Variants in GJA3 observed in about 807,000 individuals in gnomAD.
GJA3 encodes the protein gap junction protein alpha 3.
For synonymous variants in GJA3, 297 were observed against 292.6 expected, an observed-to-expected ratio of 1.02 and a Z score of -0.15; for missense variants, 571 against 620.3, an observed-to-expected ratio of 0.92 and a Z score of 0.84.
upstream of GJA3, among the ~76,000 whole-genome samples, chr13:20,161,383 G>T (rs1162487138): frequency 6.6e-6 from 1 of 151,960 alleles, no homozygotes; most frequent in Admixed American, 6.5e-5. Context: ...GGCCCGACCC[G>T]CTTGCGGGGC....
intron 1 of GJA3, among the ~76,000 whole-genome samples, chr13:20,147,563 C>T (rs187656052): frequency 7.2e-5 from 11 of 152,280 alleles, no homozygotes; most frequent in Admixed American, 6.5e-4. Context: ...CACTCTCTTA[C>T]GTGGACACAG....
chr13:20,144,863 G>A (rs1958832898), intron 1 of GJA3, among the ~76,000 whole-genome samples: 1 of 152,238 alleles, frequency 6.6e-6, no homozygotes, highest in Non-Finnish European at 1.5e-5. Context: ...TGGAACCAAA[G>A]AAAACACTTG....
At chr13:20,157,748 T>C (rs1302759994) in intron 1 of GJA3, among the ~76,000 whole-genome samples, 1 of 152,240 alleles carries the variant, frequency 6.6e-6, no homozygotes, top group African/African-American at 2.4e-5. Context: ...GGAGTACATG[T>C]TAAGCTTTCA....
chr13:20,141,879 C>G lies in GJA3; in HGVS notation c.*102G>C. The G allele has an allele frequency of 6.6e-7, 1 of 1,506,518 alleles. No homozygotes were observed. Among genetic ancestry groups the G allele is most frequent in the Middle Eastern group, 1.8e-4 (1 of 5,658 alleles). 93.3% of individuals were successfully genotyped at this position (1,506,518 alleles called of 1,614,324 possible). A position where few individuals can be genotyped will look rare whatever the true frequency, so the allele number is the denominator to read the frequency against. On this transcript the variant is annotated 3_prime_UTR_variant, in exon 2 of 2. Coordinates refer to ENST00000241125, the MANE Select transcript of GJA3 (RefSeq NM_021954.4). ...CCTGGGACTCCAGTCGCTCCCACCTCCTGGGACTTTCAGGTTCTATCTGCT... is the reference window on the plus strand; with the variant it reads ...CCTGGGACTCCAGTCGCTCCCACCTGCTGGGACTTTCAGGTTCTATCTGCT...
chr13:20,143,043 G>A lies in GJA3; in HGVS notation c.246C>T (p.Ile82=), dbSNP rs781267768. ...TGAGGGTGGGCGTGGACACGAAGAT[G>A]ATCTGCAGCGCCCAGAAGCGGATGT... The part of the protein sequence containing the change: ...ISHIRFWALQ[I]IFVSTPTLIY... The change falls in exon 2 of 2, where the codon ATC becomes ATT. Residue 82 remains isoleucine, a synonymous_variant. Coordinates refer to ENST00000241125, the MANE Select transcript of GJA3 (RefSeq NM_021954.4). The A allele has an allele frequency of 6.2e-7, 1 of 1,613,474 alleles. No homozygotes were observed. Among genetic ancestry groups the A allele is most frequent in the South Asian group, 1.1e-5 (1 of 90,922 alleles).
At position 20,142,623 on chromosome 13, in the gene GJA3, G is replaced by T; in HGVS notation, c.666C>A (p.Ile222=). The part of the protein sequence containing the change: ...CASLLLNMLE[I]YHLGWKKLKQ... ...TGAGCTTCTTCCAGCCCAGGTGGTA[G>T]ATCTCCAGCATGTTGAGCAGCAGGG... Residue 222 remains isoleucine, a synonymous_variant, in exon 2 of 2, where the codon ATC becomes ATA. Coordinates refer to ENST00000241125, the MANE Select transcript of GJA3 (RefSeq NM_021954.4). The T allele has an allele frequency of 6.2e-7, 1 of 1,613,364 alleles. No homozygotes were observed.
chr13:20,161,261 C>T (rs192007707), upstream of GJA3, among the ~76,000 whole-genome samples: 3 of 152,302 alleles, frequency 2.0e-5, no homozygotes, highest in Non-Finnish European at 2.9e-5. Context: ...ATCCCCATCC[C>T]GCACCTGCGC....
Position 20,141,562 on chromosome 13 carries a change from G to A in GJA3, c.*419C>T, listed in dbSNP as rs1958807129. On this transcript the variant is annotated 3_prime_UTR_variant, in exon 2 of 2. Coordinates refer to ENST00000241125, the MANE Select transcript of GJA3 (RefSeq NM_021954.4). ...GCTAAGTGCTCTGGCCCAGAGCTAA[G>A]ACCCTCTGGGCCGCCCAGAGGCTCT... 6.1e-6 allele frequency: 1 copy of A among 164,878 alleles called. No homozygotes were observed. Among genetic ancestry groups the A allele is most frequent in the South Asian group, 2.0e-4 (1 of 5,034 alleles). The allele number at this position is 164,878 out of a possible 1,614,324, so 10.2% of individuals were successfully genotyped here.
chr13:20,154,861 A>AT (rs1283348657), intron 1 of GJA3, among the ~76,000 whole-genome samples: 2 of 151,966 alleles, frequency 1.3e-5, no homozygotes, highest in East Asian at 3.9e-4. Context: ...TAATTACCTT[A>AT]TTTTTTTGAG....
In GJA3 at chr13:20,141,053, A is replaced by T. The variant is rs1032404415; in HGVS notation, c.*928T>A. The T allele has an allele frequency of 1.3e-5, 2 of 152,250 alleles. No homozygotes were observed. The highest frequency in any genetic ancestry group is 1.3e-4 in the Admixed American group (2 of 15,292). The allele number at this position is 152,250 out of a possible 1,614,324, so 9.4% of individuals were successfully genotyped here. ...CAAGAAAGTTCAAAATCTTTAGTAA[A>T]GATGCTAGTAGCATGCATTAGGGCA... On this transcript the variant is annotated 3_prime_UTR_variant, in exon 2 of 2. Transcript: ENST00000241125.
rs1958807989 is a variant in GJA3 at position 20,141,737 on chromosome 13, C to T, written c.*244G>A. ...CTGTGAAGATCTTAAAGGCCCACAA[C>T]CCTTGTCCCCGCCACCCCCAAACTC... On this transcript the variant is annotated 3_prime_UTR_variant, in exon 2 of 2. Coordinates refer to ENST00000241125, the MANE Select transcript of GJA3 (RefSeq NM_021954.4). 1.7e-6 allele frequency: 1 copy of T among 576,876 alleles called. No individual in the cohort carries two copies. The allele number at this position is 576,876 out of a possible 1,614,324, so 35.7% of individuals were successfully genotyped here. A position where few individuals can be genotyped will look rare whatever the true frequency, so the allele number is the denominator to read the frequency against.
At position 20,140,022 on chromosome 13, in the gene GJA3, A is replaced by T. The variant is rs1958798132; in HGVS notation, c.*1959T>A. The T allele has an allele frequency of 6.6e-6, 1 of 152,160 alleles. No individual in the cohort carries two copies. The highest frequency in any genetic ancestry group is 6.6e-5 in the Admixed American group (1 of 15,260). 9.4% of individuals were successfully genotyped at this position (152,160 alleles called of 1,614,324 possible). ...ACACTAGGATCTTCTAGCAGCCCTT[A>T]TCACTCACAAGAACTAAGTCCTGCT... On this transcript the variant is annotated 3_prime_UTR_variant, in exon 2 of 2. Transcript: ENST00000241125.
Position 20,140,865 on chromosome 13 carries a change from C to T in GJA3, c.*1116G>A, listed in dbSNP as rs1253014421. 1 of 151,946 alleles carries T rather than the reference C, an allele frequency of 6.6e-6. No homozygotes were observed. Among genetic ancestry groups the T allele is most frequent in the Admixed American group, 6.5e-5 (1 of 15,268 alleles). The allele number at this position is 151,946 out of a possible 1,614,324, so 9.4% of individuals were successfully genotyped here. On this transcript the variant is annotated 3_prime_UTR_variant, in exon 2 of 2. Transcript: ENST00000241125. Reference sequence around the variant, plus strand: ...AAAGTGTAGATTGTCATAGATTCATCTGTATAAATAATTTTCCTGGCAACA... The same window carrying T: ...AAAGTGTAGATTGTCATAGATTCATTTGTATAAATAATTTTCCTGGCAACA...
At chr13:20,144,312 A>G (rs1313040277) in intron 1 of GJA3, among the ~76,000 whole-genome samples, 4 of 152,214 alleles carry the variant, frequency 2.6e-5, no homozygotes, top group Non-Finnish European at 5.9e-5. Flanking sequence ...ACCAGGGGCC[A>G]GCTCAGCAGA....
At chr13:20,148,642 T>C (rs1272026658) in intron 1 of GJA3, among the ~76,000 whole-genome samples, 1 of 152,178 alleles carries the variant, frequency 6.6e-6, no homozygotes, top group Non-Finnish European at 1.5e-5. Context: ...GAAAGACTCT[T>C]CTGTGCTAAG....
In GJA3 at chr13:20,142,974, C is replaced by T. The variant is rs1486811017; in HGVS notation, c.315G>A (p.Lys105=). ...GCTCCTCCTCCTCCCTCTCTTTCTT[C>T]TTCTCTTCCATGCGCACGATGTGCA... ...HVLHIVRMEE[K]KKEREEEEQL... is the part of the protein sequence containing the mutation. Residue 105 remains lysine (K), a synonymous_variant, in exon 2 of 2, where the codon AAG becomes AAA. Transcript: ENST00000241125. 1.3e-6 allele frequency: 2 copies of T among 1,588,572 alleles called. No individual in the cohort carries two copies. Among genetic ancestry groups the T allele is most frequent in the East Asian group, 2.3e-5 (1 of 43,398 alleles).
chr13:20,152,981 T>G (rs1468834735), intron 1 of GJA3, among the ~76,000 whole-genome samples: 1 of 152,210 alleles, frequency 6.6e-6, no homozygotes, highest in Non-Finnish European at 1.5e-5. Context: ...AAATATTATA[T>G]GATGAAAATG....
At position 20,143,282 on chromosome 13, in the gene GJA3, C is replaced by T; in HGVS notation, c.7G>A (p.Asp3Asn). Residue 3 changes from aspartate to asparagine, a missense_variant, in exon 2 of 2, where the codon GAC (aspartate) becomes AAC (asparagine). Asp to Asn is a conservative substitution (Grantham distance 23). Transcript: ENST00000241125. MG[D>N]WSFLGRLLEN... is the part of the protein sequence containing the mutation. Reference sequence around the variant, plus strand: ...AAGAGTCTTCCCAGAAAGCTCCAGTCGCCCATTGCTTCAGATTCCTAACCT... The same window carrying T: ...AAGAGTCTTCCCAGAAAGCTCCAGTTGCCCATTGCTTCAGATTCCTAACCT... The T allele has an allele frequency of 6.6e-7, 1 of 1,517,464 alleles. No individual in the cohort carries two copies. The allele number at this position is 1,517,464 out of a possible 1,614,324, so 94.0% of individuals were successfully genotyped here.
Position 20,152,175 on chromosome 13 carries a change from T to C in GJA3, c.-18+8715A>G, listed in dbSNP as rs572718547. 5.3e-5 allele frequency among the ~76,000 whole-genome samples: 8 copies of C among 152,080 alleles called. No individual in the cohort carries two copies. The East Asian group carries it at 5.8e-4, about 11-fold the overall frequency. On this transcript the variant is annotated intron_variant, in intron 1 of 1. Coordinates refer to ENST00000241125, the MANE Select transcript of GJA3 (RefSeq NM_021954.4). Reference sequence around the variant, plus strand: ...ACCAAGTGGCCCTGGATTTAGATCATTGAAGGGCAGGGGAGGAGGAAACGG... The same window carrying C: ...ACCAAGTGGCCCTGGATTTAGATCACTGAAGGGCAGGGGAGGAGGAAACGG...
Sources: allele counts gnomAD v4.1 joint callset (sites outside exome capture counted in the v4.1 genomes callset), GRCh38; gene constraint gnomAD v4.1.1; transcripts MANE v1.5; gene names NCBI Gene and HGNC (gene_info 2026-07-23, HGNC 2026-07-21).